KIF1A: variants seen among roughly 807,000 people sequenced by gnomAD.
KIF1A encodes kinesin family member 1A.
KIF1A carries 46 observed loss-of-function variants against 227.3 expected under a neutral mutation model. That is an observed-to-expected ratio of 0.20 (90% CI 0.16 to 0.26). KIF1A has a LOEUF of 0.26. Among genes scored for constraint, KIF1A ranks in the 10% least tolerant of loss-of-function variants. The pLI is 1.00. For missense variants in KIF1A, 1,683 were observed against 2,485.9 expected (o/e 0.68, Z 6.87); for synonymous variants, 1,022 against 1,012.8 (o/e 1.01, Z -0.17).
rs373279304 is a variant in KIF1A at position 240,809,628 on chromosome 2, TAAAGA to T, written c.-61+10489_-61+10493del. ...TAACAAAAAATGTTTTGGAAGAAAA[TAAAGA>T]AGAGTTATATCTTCACGCTACCCCT... is the stretch of plus-strand genomic sequence containing the variant. On this transcript the variant is annotated intron_variant, in intron 1 of 48. Coordinates refer to ENST00000498729, the MANE Select transcript of KIF1A (RefSeq NM_001244008.2). Among the ~76,000 whole-genome samples, 854 of 151,078 alleles carry T rather than the reference TAAAGA, an allele frequency of 5.7e-3. 11 individuals are homozygous for T. The highest frequency in any genetic ancestry group is 0.02 in the African/African-American group (806 of 41,158).
At chr2:240,763,580 G>A (rs531856104) in intron 20 of KIF1A, among the ~76,000 whole-genome samples, 2 of 152,206 alleles carry the variant, frequency 1.3e-5, no homozygotes, top group African/African-American at 4.8e-5. Flanking sequence ...GCAAACCACA[G>A]ATCTGGGGCT....
rs369675421 is a variant in KIF1A at position 240,722,626 on chromosome 2, G to A, written c.4495C>T (p.Arg1499Trp). 1.3e-5 allele frequency: 20 copies of A among 1,559,296 alleles called. No individual in the cohort carries two copies. Among genetic ancestry groups the A allele is most frequent in the Non-Finnish European group, 1.6e-5 (18 of 1,151,306 alleles). ...CGCTGGGCGGTCTCCAGCTTCTCCC[G>A]CAGGAGCAGGTAGTGCCTAGTCTTC... ...VEKTRHYLLL[R>W]EKLETAQRPV... Residue 1499 changes from arginine (R) to tryptophan (W), a missense_variant, in exon 43 of 49, where the codon CGG (arginine) becomes TGG (tryptophan). By Grantham distance (101) the Arg-to-Trp change is moderately radical. This residue lies in a region of KIF1A where 759 missense variants were observed against 1,020.2 expected (regional missense o/e 0.74). Coordinates refer to ENST00000498729, the MANE Select transcript of KIF1A (RefSeq NM_001244008.2).
At chr2:240,741,195 C>T (rs2047915474) in intron 35 of KIF1A, 74 bp downstream of exon 35, 2 of 1,026,104 alleles carry the variant, frequency 1.9e-6, no homozygotes, top group Non-Finnish European at 2.9e-6. Flanking sequence ...CCTCAGGCAG[C>T]TCAAGTCCTC....
chr2:240,782,478 A>C (rs2054188207), intron 10 of KIF1A, 112 bp downstream of exon 10: 3 of 1,167,598 alleles, frequency 2.6e-6, no homozygotes, highest in Non-Finnish European at 3.7e-6. Flanking sequence ...CACGTCCCCC[A>C]TCTCCCAGCG....
intron 42 of KIF1A, among the ~76,000 whole-genome samples, chr2:240,722,946 G>T (rs919290364): frequency 1.3e-5 from 2 of 152,210 alleles, no homozygotes; most frequent in African/African-American, 4.8e-5. Flanking sequence ...GGGCAGGGCT[G>T]TGCTGCCTTG....
Position 240,766,745 on chromosome 2 carries a change from T to TCACACACACACACACACA in KIF1A, c.1684+169_1684+170insTGTGTGTGTGTGTGTGTG, listed in dbSNP as rs1263248431. Among the ~76,000 whole-genome samples, 33 of 127,072 alleles carry TCACACACACACACACACA rather than the reference T, an allele frequency of 2.6e-4. No individual in the cohort carries two copies. The highest frequency in any genetic ancestry group is 1.9e-3 in the Admixed American group (25 of 12,902). 83.4% of individuals were successfully genotyped at this position (127,072 alleles called of 152,430 possible). On this transcript the variant is annotated intron_variant, in intron 19 of 48. Transcript: ENST00000498729. This position sits in a 1 kb window ranked among gnomAD's most constrained non-coding sequence, Gnocchi z 5.0. ...AAATCTCTCTCTCTCTCTCTCTCTC[T>TCACACACACACACACACA]CTCTCACACACACACACACACACAC...
At position 240,767,285 on chromosome 2, in the gene KIF1A, T is replaced by C. The variant is rs1433726322; in HGVS notation, c.1558A>G (p.Ile520Val). The change falls in exon 18 of 49, where the codon ATC (isoleucine) becomes GTC (valine). Residue 520 changes from isoleucine to valine, a missense_variant. Ile to Val is a conservative substitution (Grantham distance 29, BLOSUM62 3). This residue lies in a region of KIF1A where 217 missense variants were observed against 427.0 expected (regional missense o/e 0.51). Coordinates refer to ENST00000498729, the MANE Select transcript of KIF1A (RefSeq NM_001244008.2). ...TCTCACCTGGTGATCCCATCCTTGA[T>C]GTAGTAGAGCAGGCACTCAGACATC... is the stretch of plus-strand genomic sequence containing the variant. ...PLMSECLLYY[I>V]KDGITRVGRE... 6.2e-7 allele frequency: 1 copy of C among 1,613,500 alleles called. No individual in the cohort carries two copies. The highest frequency in any genetic ancestry group is 8.5e-7 in the Non-Finnish European group (1 of 1,179,800).
rs757193565 is a variant in KIF1A, at chr2:240,767,005, C to T, written c.1594G>A (p.Gly532Ser). ...AGAACAATGTCCTGCCGCCTCTCGC[C>T]ATCCTCCCTGCCCACTCTGCGGGGT... ...DGITRVGREDGERRQDIVLSG... is the reference protein window; with the variant it reads ...DGITRVGREDSERRQDIVLSG... Residue 532 changes from glycine (G) to serine (S), a missense_variant, in exon 19 of 49, where the codon GGC becomes AGC. Physicochemically the swap from Gly to Ser is moderately conservative, Grantham distance 56. Transcript: ENST00000498729. 1.2e-6 allele frequency: 2 copies of T among 1,611,190 alleles called. No homozygotes were observed. Among genetic ancestry groups the T allele is most frequent in the Non-Finnish European group, 1.7e-6 (2 of 1,178,960 alleles).
rs2045535007 is a variant in KIF1A, at chr2:240,722,558, A to G, written c.4563T>C (p.Ser1521=). The G allele has an allele frequency of 1.3e-6, 2 of 1,552,698 alleles. No individual in the cohort carries two copies. Among genetic ancestry groups the G allele is most frequent in the Non-Finnish European group, 1.7e-6 (2 of 1,148,546 alleles). The change falls in exon 43 of 49, where the codon TCT becomes TCC. Residue 1521 remains serine, a synonymous_variant. Coordinates refer to ENST00000498729, the MANE Select transcript of KIF1A (RefSeq NM_001244008.2). ...AGGCGCTGGAGGAGCCATGGGACTC[A>G]GAGTCCTCGCTGAAGGCCGGGGACA... The part of the protein sequence containing the change: ...EALSPAFSED[S]ESHGSSSASS...
In KIF1A at chr2:240,766,747, T is replaced by TCACACACACA. The variant is rs1344499129; in HGVS notation, c.1684+167_1684+168insTGTGTGTGTG. Among the ~76,000 whole-genome samples the TCACACACACA allele has an allele frequency of 3.3e-4, 39 of 119,508 alleles. No individual in the cohort carries two copies. Among genetic ancestry groups the TCACACACACA allele is most frequent in the East Asian group, 2.8e-4 (1 of 3,566 alleles). 78.4% of individuals were successfully genotyped at this position (119,508 alleles called of 152,430 possible). On this transcript the variant is annotated intron_variant, in intron 19 of 48. Transcript: ENST00000498729. This position sits in a 1 kb window ranked among gnomAD's most constrained non-coding sequence, Gnocchi z 5.0. ...ATCTCTCTCTCTCTCTCTCTCTCTC[T>TCACACACACA]CTCACACACACACACACACACACAC... is the stretch of plus-strand genomic sequence containing the variant.
In KIF1A at chr2:240,736,294, T is replaced by A. The variant is rs1348281383; in HGVS notation, c.4007+769A>T. Among the ~76,000 whole-genome samples, 1 of 151,986 alleles carries A rather than the reference T, an allele frequency of 6.6e-6. No individual in the cohort carries two copies. Among genetic ancestry groups the A allele is most frequent in the Non-Finnish European group, 1.5e-5 (1 of 67,998 alleles). On this transcript the variant is annotated intron_variant, in intron 38 of 48. Coordinates refer to ENST00000498729, the MANE Select transcript of KIF1A (RefSeq NM_001244008.2). The surrounding 1 kb of genome is among the most constrained non-coding windows in gnomAD (Gnocchi z 4.7). ...CTGGGCTTGTGCATCATGAGCCAGG[T>A]CGAGCCCCCAGGGAGCAGCCAGGAC... is the stretch of plus-strand genomic sequence containing the variant.
upstream of KIF1A, among the ~76,000 whole-genome samples, chr2:240,820,638 C>T (rs958623222): frequency 6.6e-6 from 1 of 151,612 alleles, no homozygotes; most frequent in Non-Finnish European, 1.5e-5. This position sits in a 1 kb window ranked among gnomAD's most constrained non-coding sequence, Gnocchi z 6.2. Context: ...CCACCTGCCC[C>T]CGCTCTGAGC....
chr2:240,757,635 C>G lies in KIF1A; in HGVS notation c.2583-41G>C. The G allele has an allele frequency of 6.5e-7, 1 of 1,541,412 alleles. No individual in the cohort carries two copies. The highest frequency in any genetic ancestry group is 8.8e-7 in the Non-Finnish European group (1 of 1,141,702). On this transcript the variant is annotated intron_variant, in intron 26 of 48. Transcript: ENST00000498729. This position sits in a 1 kb window ranked among gnomAD's most constrained non-coding sequence, Gnocchi z 6.2. Reference sequence around the variant, plus strand: ...CAAGACAGAGAGAAGTTAACACCAGCGACTCGCAGGGACGAACAGGGGCCG... The same window carrying G: ...CAAGACAGAGAGAAGTTAACACCAGGGACTCGCAGGGACGAACAGGGGCCG...
Position 240,775,693 on chromosome 2 carries a change from G to A in KIF1A, c.958+158C>T, listed in dbSNP as rs2052636025. Among the ~76,000 whole-genome samples, 1 of 152,146 alleles carries A rather than the reference G, an allele frequency of 6.6e-6. No homozygotes were observed. The highest frequency in any genetic ancestry group is 1.5e-5 in the Non-Finnish European group (1 of 68,022). Reference sequence around the variant, plus strand: ...GCCGTTGCCCCAGGTCCTCCAGAAGGGCCACGAACTGACTGGACCCTCCAG... The same window carrying A: ...GCCGTTGCCCCAGGTCCTCCAGAAGAGCCACGAACTGACTGGACCCTCCAG... On this transcript the variant is annotated intron_variant, in intron 11 of 48. Coordinates refer to ENST00000498729, the MANE Select transcript of KIF1A (RefSeq NM_001244008.2). The surrounding 1 kb of genome is among the most constrained non-coding windows in gnomAD (Gnocchi z 5.5).
intron 27 of KIF1A, among the ~76,000 whole-genome samples, chr2:240,751,195 C>A (rs1019018505): frequency 6.6e-6 from 1 of 152,154 alleles, no homozygotes; most frequent in Non-Finnish European, 1.5e-5. Context: ...TAGGCAGAGA[C>A]CACGAGTACC....
In KIF1A at chr2:240,783,053, C is replaced by G. The variant is rs2054275350; in HGVS notation, c.855G>C (p.Leu285=). 5.0e-6 allele frequency: 8 copies of G among 1,613,408 alleles called. No homozygotes were observed. The South Asian group carries it at 7.7e-5, about 15-fold the overall frequency. ...LTTLGKVISA[L]AEMDSGPNKN... ...GGGCCGGGCCACTCACCATTTCAGC[C>G]AGGGCGGAGATGACCTTGCCCAGGG... The change falls in exon 9 of 49, where the codon CTG becomes CTC. Residue 285 remains leucine (L), a synonymous_variant. Coordinates refer to ENST00000498729, the MANE Select transcript of KIF1A (RefSeq NM_001244008.2).
intron 15 of KIF1A, among the ~76,000 whole-genome samples, chr2:240,770,199 C>T (rs2051761889): frequency 6.6e-6 from 1 of 152,230 alleles, no homozygotes; most frequent in Non-Finnish European, 1.5e-5. Context: ...CTGCCTTTTC[C>T]CCTCAGCCCC....
In KIF1A at chr2:240,789,857, T is replaced by C. The variant is rs2126102327; in HGVS notation, c.107-545A>G. Reference sequence around the variant, plus strand: ...TGCCAGAGTCCCTCCTCCCCCTCCCTCCTCCACCCAACTTCAAGCCCAGTC... The same window carrying C: ...TGCCAGAGTCCCTCCTCCCCCTCCCCCCTCCACCCAACTTCAAGCCCAGTC... On this transcript the variant is annotated intron_variant, in intron 2 of 48. Coordinates refer to ENST00000498729, the MANE Select transcript of KIF1A (RefSeq NM_001244008.2). This position sits in a 1 kb window ranked among gnomAD's most constrained non-coding sequence, Gnocchi z 4.8. 6.6e-6 allele frequency among the ~76,000 whole-genome samples: 1 copy of C among 151,790 alleles called. No individual in the cohort carries two copies. The highest frequency in any genetic ancestry group is 2.1e-4 in the South Asian group (1 of 4,774).
At position 240,774,279 on chromosome 2, in the gene KIF1A, G is replaced by C. The variant is rs2052428035; in HGVS notation, c.959-18C>G. On this transcript the variant is annotated intron_variant, in intron 11 of 48. Coordinates refer to ENST00000498729, the MANE Select transcript of KIF1A (RefSeq NM_001244008.2). ...GTTACCGCCTGTGGGAAGAAGACCA[G>C]GTTGTGCCCAGAGGGGGATCTAGGC... 6.3e-7 allele frequency: 1 copy of C among 1,587,190 alleles called. No homozygotes were observed. Among genetic ancestry groups the C allele is most frequent in the Middle Eastern group, 1.7e-4 (1 of 6,004 alleles).
Sources: allele counts gnomAD v4.1 joint callset (sites outside exome capture counted in the v4.1 genomes callset), GRCh38; gene constraint gnomAD v4.1.1; regional missense constraint gnomAD v4.1.1; non-coding constraint Gnocchi (gnomAD v3.1); transcripts MANE v1.5; gene names NCBI Gene and HGNC (gene_info 2026-07-23, HGNC 2026-07-21).